Variants in GALNT16 observed in about 807,000 individuals in gnomAD.
GALNT16 encodes the protein polypeptide N-acetylgalactosaminyltransferase 16, also known as UDP-GalNAc:polypeptide N-acetylgalactosaminyltransferase-like protein 1.
A neutral mutation model predicts 76.1 loss-of-function variants in GALNT16; 40 were observed. The ratio of observed to expected loss-of-function variants is 0.53; its 90% CI spans 0.41 to 0.68. The LOEUF is 0.68. Among genes scored for constraint, GALNT16 ranks in the 30% least tolerant of loss-of-function variants. The pLI is 0.00. For synonymous variants in GALNT16, 276 were observed against 285.2 expected (o/e 0.97, Z 0.32); for missense variants, 621 against 731.9 (o/e 0.85, Z 1.75).
chr14:69,297,954 T>C lies in GALNT16; in HGVS notation c.178-22757T>C, dbSNP rs547405860. The stretch of plus-strand genomic sequence containing the variant: ...CTTGAAACAGTTTGTTGGTCGGTAC[T>C]GTACTCACCCCTATTTTACAGCTAC... On this transcript the variant is annotated intron_variant, in intron 1 of 14. Coordinates refer to ENST00000448469, the MANE Select transcript of GALNT16 (RefSeq NM_001168368.2). 3.3e-5 allele frequency among the ~76,000 whole-genome samples: 5 copies of C among 152,346 alleles called. No individual in the cohort carries two copies. In the East Asian group the frequency reaches 9.6e-4, roughly 29 times the overall value.
At chr14:69,348,113 C>G in intron 14 of GALNT16, 111 bp downstream of exon 14, 5 of 1,134,566 alleles carry the variant, frequency 4.4e-6, no homozygotes, top group Non-Finnish European at 5.2e-6. Context: ...CCCTTCAGAG[C>G]GAGGATCTGT....
downstream of GALNT16, among the ~76,000 whole-genome samples, chr14:69,361,438 G>A (rs36027932): frequency 0.13 from 19,224 of 152,208 alleles, 1,337 homozygotes; most frequent in East Asian, 0.18. Context: ...AAATCATGAA[G>A]TCTGATCCAG....
chr14:69,383,905 G>C, the GALNT16 span, among the ~76,000 whole-genome samples: 3 of 152,066 alleles, frequency 2.0e-5, no homozygotes, highest in African/African-American at 7.2e-5. Context: ...ATCACTCCTT[G>C]GGGAGGCTGA....
At chr14:69,295,671 G>C (rs190459361) in intron 1 of GALNT16, among the ~76,000 whole-genome samples, 1 of 152,138 alleles carries the variant, frequency 6.6e-6, no homozygotes, top group East Asian at 1.9e-4. Flanking sequence ...AGTGAGCTGA[G>C]ATCGCACTAC....
At chr14:69,263,807 T>C (rs141096006) in intron 1 of GALNT16, among the ~76,000 whole-genome samples, 11 of 152,242 alleles carry the variant, frequency 7.2e-5, no homozygotes, top group Non-Finnish European at 1.2e-4. Flanking sequence ...GGCTATGGAA[T>C]CTGTAAAGCT....
intron 1 of GALNT16, among the ~76,000 whole-genome samples, chr14:69,310,099 CT>C (rs1294401503): frequency 6.6e-6 from 1 of 152,064 alleles, no homozygotes; most frequent in Non-Finnish European, 1.5e-5. Flanking sequence ...GTATTTGGGT[CT>C]ATTTCTGATC....
intron 1 of GALNT16, among the ~76,000 whole-genome samples, chr14:69,308,742 A>G (rs905088246): frequency 7.2e-5 from 11 of 152,240 alleles, no homozygotes; most frequent in Non-Finnish European, 1.6e-4. Flanking sequence ...AGGAATGTAC[A>G]CTGTAATTGT....
At chr14:69,276,439 T>C (rs1158825368) in intron 1 of GALNT16, among the ~76,000 whole-genome samples, 1 of 152,140 alleles carries the variant, frequency 6.6e-6, no homozygotes. Flanking sequence ...TCCCAGCACT[T>C]TGGGAGGCCG....
chr14:69,283,982 TG>T (rs1193111322), intron 1 of GALNT16, among the ~76,000 whole-genome samples: 4 of 152,176 alleles, frequency 2.6e-5, no homozygotes, highest in Non-Finnish European at 5.9e-5. Flanking sequence ...AACAGAGGCA[TG>T]GATAAATACC....
intron 1 of GALNT16, among the ~76,000 whole-genome samples, chr14:69,306,415 C>A (rs1258288063): frequency 6.6e-6 from 1 of 152,048 alleles, no homozygotes; most frequent in Non-Finnish European, 1.5e-5. Context: ...TTAAATTTAT[C>A]TCTAAAAGAT....
the GALNT16 span, among the ~76,000 whole-genome samples, chr14:69,382,181 T>A: frequency 1.3e-5 from 2 of 152,216 alleles, no homozygotes; most frequent in Admixed American, 1.3e-4. Flanking sequence ...TTTATACAAT[T>A]AACATCATAT....
chr14:69,363,953 C>T, the GALNT16 span, among the ~76,000 whole-genome samples: 1 of 152,192 alleles, frequency 6.6e-6, no homozygotes, highest in Admixed American at 6.5e-5. Context: ...CTGGCCCCCA[C>T]TAGAGGTTCC....
At chr14:69,278,323 A>G (rs1247316217) in intron 1 of GALNT16, among the ~76,000 whole-genome samples, 1 of 152,128 alleles carries the variant, frequency 6.6e-6, no homozygotes, top group African/African-American at 2.4e-5. Context: ...CTGTCCCTTT[A>G]GACATAATAT....
At chr14:69,370,069 G>A in the GALNT16 span, among the ~76,000 whole-genome samples, 3 of 152,184 alleles carry the variant, frequency 2.0e-5, no homozygotes, top group African/African-American at 7.2e-5. Flanking sequence ...TAGGGAGGTG[G>A]TTAAGCAAGG....
At chr14:69,308,053 C>G (rs769587006) in intron 1 of GALNT16, among the ~76,000 whole-genome samples, 1 of 152,190 alleles carries the variant, frequency 6.6e-6, no homozygotes, top group Non-Finnish European at 1.5e-5. Flanking sequence ...GCTCCTCTCC[C>G]TCCTCCACTT....
chr14:69,365,549 C>T, the GALNT16 span, among the ~76,000 whole-genome samples: 1 of 152,138 alleles, frequency 6.6e-6, no homozygotes, highest in Non-Finnish European at 1.5e-5. Context: ...CACAAGTTCT[C>T]ACTTACAAGT....
chr14:69,302,179 G>A (rs2044863545), intron 1 of GALNT16, among the ~76,000 whole-genome samples: 2 of 152,052 alleles, frequency 1.3e-5, no homozygotes, highest in African/African-American at 4.8e-5. Flanking sequence ...AAGTATTAGT[G>A]TCATCTGAGA....
At chr14:69,319,720 C>G (rs1160261672) in intron 1 of GALNT16, among the ~76,000 whole-genome samples, 1 of 152,186 alleles carries the variant, frequency 6.6e-6, no homozygotes, top group Non-Finnish European at 1.5e-5. Flanking sequence ...ACGGGATGGG[C>G]AATGGCATCT....
At chr14:69,332,829 T>C (rs28470199) in intron 7 of GALNT16, among the ~76,000 whole-genome samples, 671 of 61,622 alleles carry the variant, frequency 0.011, no homozygotes, top group Middle Eastern at 0.036. Flanking sequence ...TTTTCTTCTT[T>C]TTTTTTTTTT....
Sources: gnomAD v4.1 joint callset for allele counts (sites outside exome capture counted in the v4.1 genomes callset) on GRCh38, gnomAD v4.1.1 for gene constraint, MANE v1.5 for transcripts, NCBI Gene and HGNC (gene_info 2026-07-23, HGNC 2026-07-21) for gene names.